Variants in OLFM2 observed in about 807,000 individuals in gnomAD.
The protein encoded by OLFM2 is noelin-2.
OLFM2 carries 20 observed loss-of-function variants against 43.9 expected under a neutral mutation model. That is an observed-to-expected ratio of 0.46 (90% CI 0.32 to 0.66). The LOEUF is 0.66. Ranked by LOEUF, OLFM2 falls within the 30% of genes least tolerant of loss-of-function variation. The pLI is 0.04. For missense variants in OLFM2, 416 were observed against 643.6 expected, an observed-to-expected ratio of 0.65 and a Z score of 3.83; for synonymous variants, 268 against 278.6, an observed-to-expected ratio of 0.96 and a Z score of 0.38.
At chr19:9,896,091 A>ATTTTTTTTTTT (rs71188854) in intron 1 of OLFM2, among the ~76,000 whole-genome samples, 6 of 95,780 alleles carry the variant, frequency 6.3e-5, no homozygotes, top group African/African-American at 8.0e-5. Context: ...CTTTATTTTA[A>ATTTTTTTTTTT]TTTTTTTTTT....
chr19:9,913,779 G>A, intron 1 of OLFM2: 3 of 613,924 alleles, frequency 4.9e-6, no homozygotes, highest in Non-Finnish European at 6.2e-6. Context: ...GTGAGGGGGG[G>A]CTCGGGGACG....
At chr19:9,864,428 G>A (rs910607860) in intron 1 of OLFM2, among the ~76,000 whole-genome samples, 1 of 151,988 alleles carries the variant, frequency 6.6e-6, no homozygotes, top group African/African-American at 2.4e-5. Flanking sequence ...AGCCTCCCGA[G>A]TAGCTAGGAT....
chr19:9,888,009 T>TG (rs2046603196), intron 1 of OLFM2, among the ~76,000 whole-genome samples: 1 of 150,758 alleles, frequency 6.6e-6, no homozygotes, highest in African/African-American at 2.4e-5. Context: ...CAAAGTAGAG[T>TG]TCTCCCCAAG....
chr19:9,854,308 A>C lies in OLFM2; in HGVS notation c.1243T>G (p.Ser415Ala). 1 of 1,614,064 alleles carries C rather than the reference A, an allele frequency of 6.2e-7. No individual in the cohort carries two copies. The highest frequency in any genetic ancestry group is 8.5e-7 in the Non-Finnish European group (1 of 1,180,020). ...YTDVPFHNQY[S>A]HISMLDYNPR... Reference sequence around the variant, plus strand: ...TTGTAATCCAGCATCGAGATGTGGGAATACTGGTTGTGGAAGGGCACGTCC... The same window carrying C: ...TTGTAATCCAGCATCGAGATGTGGGCATACTGGTTGTGGAAGGGCACGTCC... The change falls in exon 6 of 6, where the codon TCC (serine) becomes GCC (alanine). Residue 415 changes from serine to alanine, a missense_variant. Ser to Ala is a moderately conservative substitution (Grantham distance 99). Coordinates refer to ENST00000264833, the MANE Select transcript of OLFM2 (RefSeq NM_058164.4). The surrounding 1 kb of genome is among the most constrained non-coding windows in gnomAD (Gnocchi z 9.5).
At chr19:9,870,576 C>CT (rs1327028563) in intron 1 of OLFM2, among the ~76,000 whole-genome samples, 3 of 152,204 alleles carry the variant, frequency 2.0e-5, no homozygotes, top group Non-Finnish European at 2.9e-5. Flanking sequence ...CCCATCCTCT[C>CT]TAATTGTCTT....
chr19:9,935,693 A>T (rs1403476981), intron 1 of OLFM2, among the ~76,000 whole-genome samples: 1 of 152,142 alleles, frequency 6.6e-6, no homozygotes, highest in Non-Finnish European at 1.5e-5. Flanking sequence ...GGTCACACAC[A>T]GACTCTGTCT....
At chr19:9,933,719 C>G (rs781444449) in intron 1 of OLFM2, among the ~76,000 whole-genome samples, 99 of 151,844 alleles carry the variant, frequency 6.5e-4, no homozygotes, top group Non-Finnish European at 1.2e-3. Context: ...CCACACCCAG[C>G]TAATTTTTTG....
intron 1 of OLFM2, among the ~76,000 whole-genome samples, chr19:9,925,429 C>T (rs770705969): frequency 1.3e-5 from 2 of 152,056 alleles, no homozygotes; most frequent in Non-Finnish European, 2.9e-5. Context: ...TCTTCAAAAA[C>T]TTAAAACATA....
chr19:9,932,817 G>C (rs1224693249), intron 1 of OLFM2, among the ~76,000 whole-genome samples: 1 of 152,104 alleles, frequency 6.6e-6, no homozygotes, highest in Non-Finnish European at 1.5e-5. Context: ...GAAAATAGTG[G>C]GGCTCAGAAC....
chr19:9,889,596 C>G (rs749020265), intron 1 of OLFM2, among the ~76,000 whole-genome samples: 1 of 152,120 alleles, frequency 6.6e-6, no homozygotes, highest in Non-Finnish European at 1.5e-5. Flanking sequence ...TGCATCAGCC[C>G]GAATGTGGAC....
intron 1 of OLFM2, among the ~76,000 whole-genome samples, chr19:9,897,327 CAAAAAAAAA>C (rs1160281673): frequency 1.1e-5 from 1 of 93,392 alleles, no homozygotes; most frequent in African/African-American, 4.0e-5. Context: ...GACTTCGTCT[CAAAAAAAAA>C]AAAAAAAAAA....
At chr19:9,903,621 C>T (rs990348100) in intron 1 of OLFM2, among the ~76,000 whole-genome samples, 5 of 152,144 alleles carry the variant, frequency 3.3e-5, no homozygotes, top group Admixed American at 6.6e-5. Flanking sequence ...AATATTCCTG[C>T]AGAACTTCTG....
At chr19:9,870,270 T>C (rs1253038181) in intron 1 of OLFM2, among the ~76,000 whole-genome samples, 2 of 152,092 alleles carry the variant, frequency 1.3e-5, no homozygotes, top group Non-Finnish European at 2.9e-5. Flanking sequence ...GCCAATTTGG[T>C]AACTTCCTGA....
chr19:9,931,946 G>A (rs2086485343), intron 1 of OLFM2, among the ~76,000 whole-genome samples: 1 of 152,014 alleles, frequency 6.6e-6, no homozygotes, highest in Non-Finnish European at 1.5e-5. Flanking sequence ...AGAATCCTGT[G>A]GTTTGAGAAA....
At chr19:9,929,802 G>A (rs1486305002) in intron 1 of OLFM2, among the ~76,000 whole-genome samples, 1 of 152,100 alleles carries the variant, frequency 6.6e-6, no homozygotes, top group African/African-American at 2.4e-5. Flanking sequence ...CATTTTGGGA[G>A]GCTGAGGCAG....
At chr19:9,897,548 G>A (rs746717423) in intron 1 of OLFM2, among the ~76,000 whole-genome samples, 2 of 152,006 alleles carry the variant, frequency 1.3e-5, no homozygotes, top group East Asian at 1.9e-4. Context: ...ATAAATACAC[G>A]AATGGATAAA....
intron 1 of OLFM2, among the ~76,000 whole-genome samples, chr19:9,900,217 T>G (rs73500949): frequency 9.9e-5 from 15 of 151,276 alleles, no homozygotes; most frequent in African/African-American, 3.6e-4. Flanking sequence ...CAAATGAAAA[T>G]GAAGAGAGGT....
At chr19:9,898,970 G>A (rs550712721) in intron 1 of OLFM2, among the ~76,000 whole-genome samples, 12 of 152,190 alleles carry the variant, frequency 7.9e-5, no homozygotes, top group East Asian at 5.8e-4. Context: ...TCCACCCCAC[G>A]GCAAATCGTC....
intron 1 of OLFM2, among the ~76,000 whole-genome samples, chr19:9,899,231 C>T (rs985566174): frequency 6.6e-6 from 1 of 151,680 alleles, no homozygotes; most frequent in South Asian, 2.1e-4. Context: ...CACCACTGCA[C>T]TCCAGCCTGG....
Sources: gnomAD v4.1 joint callset for allele counts (sites outside exome capture counted in the v4.1 genomes callset) on GRCh38, gnomAD v4.1.1 for gene constraint, Gnocchi (gnomAD v3.1) non-coding constraint, MANE v1.5 for transcripts, NCBI Gene and HGNC (gene_info 2026-07-23, HGNC 2026-07-21) for gene names.